The following WRNIP1 variants were observed in gnomAD, a reference collection of about 807,000 sequenced individuals.
WRNIP1 encodes the protein ATPase WRNIP1.
In WRNIP1, 41 loss-of-function variants were observed where a neutral mutation model predicts 56.1. The observed-to-expected ratio is 0.73, with a 90% CI of 0.57 to 0.95. The LOEUF (loss-of-function observed/expected upper bound fraction) is 0.95. Ranked by LOEUF, WRNIP1 falls within the 40% of genes least tolerant of loss-of-function variation. WRNIP1 has a pLI of 0.00. For missense variants in WRNIP1, 1,170 were observed against 939.4 expected, an observed-to-expected ratio of 1.25 and a Z score of -3.21; for synonymous variants, 547 against 398.1, an observed-to-expected ratio of 1.37 and a Z score of -4.45.
In WRNIP1 at chr6:2,765,552, G is replaced by A; in HGVS notation, c.-71G>A. ...TCTCGCGGCGCGGGGCCTAGCGGAG[G>A]GCATCGAAGGCCTCCGCGTGCGCAC... On this transcript the variant is annotated 5_prime_UTR_variant, in exon 1 of 7. Transcript: ENST00000380773. 6 of 1,364,908 alleles carry A rather than the reference G, an allele frequency of 4.4e-6. No individual in the cohort carries two copies. In the South Asian group the frequency reaches 4.9e-5, roughly 11 times the overall value. 84.5% of individuals were successfully genotyped at this position (1,364,908 alleles called of 1,614,324 possible). A position where few individuals can be genotyped will look rare whatever the true frequency, so the allele number is the denominator to read the frequency against.
chr6:2,778,370 C>A (rs1765479814), intron 3 of WRNIP1, among the ~76,000 whole-genome samples: 1 of 152,144 alleles, frequency 6.6e-6, no homozygotes, highest in Non-Finnish European at 1.5e-5. Context: ...AGGAATAAGA[C>A]CCCACTAAGT....
At chr6:2,769,980 A>G in intron 2 of WRNIP1, 140 bp from the exon 3 acceptor site, 1 of 1,221,722 alleles carries the variant, frequency 8.2e-7, no homozygotes. Context: ...ATCTATATTC[A>G]GTGAATATAA....
In WRNIP1 at chr6:2,766,061, G is replaced by T; in HGVS notation, c.439G>T (p.Ala147Ser). The stretch of plus-strand genomic sequence containing the variant: ...GTCGGGGAAGAGGCCGGCGGCCGCC[G>T]CCGCGGCGGGGAGCGCGTCTCCGCG... Reference protein sequence around the residue: ...KGSGKRPAAAAAAGSASPRSW... With the variant: ...KGSGKRPAAASAAGSASPRSW... Residue 147 changes from alanine to serine, a missense_variant, in exon 1 of 7, where the codon GCC (alanine) becomes TCC (serine). Physicochemically the swap from Ala to Ser is moderately conservative, Grantham distance 99 (BLOSUM62 1). Transcript: ENST00000380773. 1 of 1,293,932 alleles carries T rather than the reference G, an allele frequency of 7.7e-7. No homozygotes were observed. The highest frequency in any genetic ancestry group is 9.8e-7 in the Non-Finnish European group (1 of 1,025,340). The allele number at this position is 1,293,932 out of a possible 1,614,324, so 80.2% of individuals were successfully genotyped here. A position where few individuals can be genotyped will look rare whatever the true frequency, so the allele number is the denominator to read the frequency against.
At chr6:2,782,840 T>C (rs1048436098) in intron 4 of WRNIP1, among the ~76,000 whole-genome samples, 3 of 152,190 alleles carry the variant, frequency 2.0e-5, no homozygotes, top group Non-Finnish European at 4.4e-5. Context: ...AGTCCACGTG[T>C]CGGTCCTTCT....
chr6:2,767,045 C>G (rs377604332), intron 1 of WRNIP1, among the ~76,000 whole-genome samples: 2 of 152,160 alleles, frequency 1.3e-5, no homozygotes, highest in South Asian at 2.1e-4. Context: ...ACTTTTTCAT[C>G]TGCAAGTCAT....
At position 2,770,229 on chromosome 6, in the gene WRNIP1, T is replaced by C. The variant is rs144020288; in HGVS notation, c.1124T>C (p.Ile375Thr). ...GCTCTTCTGAGCCGCTGTCGAGTGATTGTTCTTGAGAAGCTTCCAGTAGAG... is the reference window on the plus strand; with the variant it reads ...GCTCTTCTGAGCCGCTGTCGAGTGACTGTTCTTGAGAAGCTTCCAGTAGAG... ...NAALLSRCRV[I>T]VLEKLPVEAM... Residue 375 changes from isoleucine (I) to threonine (T), a missense_variant, in exon 3 of 7, where the codon ATT becomes ACT. Physicochemically the swap from Ile to Thr is moderately conservative, Grantham distance 89. Transcript: ENST00000380773. 16 of 1,614,106 alleles carry C rather than the reference T, an allele frequency of 9.9e-6. No individual in the cohort carries two copies. In the African/African-American group the frequency reaches 2.1e-4, roughly 22 times the overall value.
In WRNIP1 at chr6:2,766,192, C is replaced by A. The variant is rs765510820; in HGVS notation, c.570C>A (p.Asp190Glu). The change falls in exon 1 of 7, where the codon GAC (aspartate) becomes GAA (glutamate). Residue 190 changes from aspartate (D) to glutamate (E), a missense_variant. By Grantham distance (45) the Asp-to-Glu change is conservative. Transcript: ENST00000380773. ...GCGAGGACGACCCGGGGCACTGGGA[C>A]GCGGACGCTGCCGAAGCCGCCACCG... ...ADGEDDPGHW[D>E]ADAAEAATAF... 2 of 1,397,950 alleles carry A rather than the reference C, an allele frequency of 1.4e-6. No individual in the cohort carries two copies. 86.6% of individuals were successfully genotyped at this position (1,397,950 alleles called of 1,614,324 possible). A position where few individuals can be genotyped will look rare whatever the true frequency, so the allele number is the denominator to read the frequency against.
At position 2,783,506 on chromosome 6, in the gene WRNIP1, A is replaced by T; in HGVS notation, c.1587A>T (p.Gly529=). 6.2e-7 allele frequency: 1 copy of T among 1,613,484 alleles called. No homozygotes were observed. The highest frequency in any genetic ancestry group is 8.5e-7 in the Non-Finnish European group (1 of 1,179,866). Reference sequence around the variant, plus strand: ...GGCTGGCTCGCATGCTCGAGGGAGGAGAGGACCCACTCTACGTGGCACGGA... The same window carrying T: ...GGCTGGCTCGCATGCTCGAGGGAGGTGAGGACCCACTCTACGTGGCACGGA... ...LYWLARMLEG[G]EDPLYVARRL... The change falls in exon 5 of 7, where the codon GGA becomes GGT. Residue 529 remains glycine (G), a synonymous_variant. Coordinates refer to ENST00000380773, the MANE Select transcript of WRNIP1 (RefSeq NM_020135.3).
intron 4 of WRNIP1, 68 bp downstream of exon 4, chr6:2,779,560 C>T (rs901674220): frequency 1.4e-5 from 21 of 1,504,610 alleles, no homozygotes; most frequent in South Asian, 3.7e-5. Flanking sequence ...TTCTCATTTC[C>T]GGAAGCCTGA....
chr6:2,768,397 T>G lies in WRNIP1; in HGVS notation c.823-294T>G, dbSNP rs1429203864. ...TCAAGACAGCCGTTCTTTACTGGGA[T>G]TCCAAAGATCTTAAAGAGTCACCCA... On this transcript the variant is annotated intron_variant, in intron 1 of 6. Transcript: ENST00000380773. Among the ~76,000 whole-genome samples, 6 of 152,330 alleles carry G rather than the reference T, an allele frequency of 3.9e-5. No individual in the cohort carries two copies. In the East Asian group the frequency reaches 1.2e-3, roughly 29 times the overall value.
At position 2,766,246 on chromosome 6, in the gene WRNIP1, G is replaced by T; in HGVS notation, c.624G>T (p.Pro208=). 2 of 1,484,356 alleles carry T rather than the reference G, an allele frequency of 1.3e-6. No homozygotes were observed. Among genetic ancestry groups the T allele is most frequent in the Non-Finnish European group, 1.8e-6 (2 of 1,115,216 alleles). 91.9% of individuals were successfully genotyped at this position (1,484,356 alleles called of 1,614,324 possible). ...TCGGGGCCAGTGGCGGGGGCCGCCCGCACCCCCGGGCGCTGGCTGCCGAGG... is the reference window on the plus strand; with the variant it reads ...TCGGGGCCAGTGGCGGGGGCCGCCCTCACCCCCGGGCGCTGGCTGCCGAGG... ...TAFGASGGGR[P]HPRALAAEEI... is the part of the protein sequence containing the mutation. The change falls in exon 1 of 7, where the codon CCG becomes CCT. Residue 208 remains proline (P), a synonymous_variant. Transcript: ENST00000380773.
At position 2,770,241 on chromosome 6, in the gene WRNIP1, A is replaced by G. The variant is rs1189874564; in HGVS notation, c.1136A>G (p.Lys379Arg). ...CGCTGTCGAGTGATTGTTCTTGAGA[A>G]GCTTCCAGTAGAGGCAATGGTGACT... ...LSRCRVIVLE[K>R]LPVEAMVTIL... The change falls in exon 3 of 7, where the codon AAG becomes AGG. Residue 379 changes from lysine (K) to arginine (R), a missense_variant. Physicochemically the swap from Lys to Arg is conservative, Grantham distance 26. Coordinates refer to ENST00000380773, the MANE Select transcript of WRNIP1 (RefSeq NM_020135.3). The G allele has an allele frequency of 1.2e-6, 2 of 1,614,058 alleles. No homozygotes were observed. Among genetic ancestry groups the G allele is most frequent in the Non-Finnish European group, 1.7e-6 (2 of 1,180,030 alleles).
chr6:2,767,696 A>G (rs1043027056), intron 1 of WRNIP1, among the ~76,000 whole-genome samples: 19 of 152,232 alleles, frequency 1.2e-4, no homozygotes, highest in Non-Finnish European at 2.6e-4. Context: ...ATGAGAATGG[A>G]TAATCAGCTG....
rs199556155 is a variant in WRNIP1, at chr6:2,766,351, C to T, written c.729C>T (p.Ser243=). 9.9e-6 allele frequency: 16 copies of T among 1,610,306 alleles called. No homozygotes were observed. Among genetic ancestry groups the T allele is most frequent in the African/African-American group, 4.0e-5 (3 of 74,878 alleles). Residue 243 remains serine, a synonymous_variant, in exon 1 of 7, where the codon AGC becomes AGT. Coordinates refer to ENST00000380773, the MANE Select transcript of WRNIP1 (RefSeq NM_020135.3). ...CGCTGCAGGATTACTTCGGGCAGAG[C>T]AAGGCCGTGGGCCAGGATACCCTGC... ...PDTLQDYFGQ[S]KAVGQDTLLR... is the part of the protein sequence containing the mutation.
intron 3 of WRNIP1, among the ~76,000 whole-genome samples, chr6:2,771,778 C>T (rs947639934): frequency 6.6e-6 from 1 of 152,050 alleles, no homozygotes; most frequent in African/African-American, 2.4e-5. Flanking sequence ...GTAGGTTTCC[C>T]GTAACAGAAT....
rs1284988392 is a variant in WRNIP1 at position 2,779,158 on chromosome 6, G to A, written c.1257-105G>A. 2.5e-6 allele frequency: 3 copies of A among 1,202,078 alleles called. No individual in the cohort carries two copies. The African/African-American group carries it at 4.5e-5, about 18-fold the overall frequency. The allele number at this position is 1,202,078 out of a possible 1,614,324, so 74.5% of individuals were successfully genotyped here. A position where few individuals can be genotyped will look rare whatever the true frequency, so the allele number is the denominator to read the frequency against. On this transcript the variant is annotated intron_variant, in intron 3 of 6. Coordinates refer to ENST00000380773, the MANE Select transcript of WRNIP1 (RefSeq NM_020135.3). Reference sequence around the variant, plus strand: ...GGTGAGAATAAGAGGCAAAGGCCTTGAACTCTTCAGTGTCCTTGCTGAGAA... The same window carrying A: ...GGTGAGAATAAGAGGCAAAGGCCTTAAACTCTTCAGTGTCCTTGCTGAGAA...
intron 5 of WRNIP1, 73 bp downstream of exon 5, chr6:2,783,634 C>CCTT: frequency 2.5e-5 from 1 of 39,328 alleles, no homozygotes; most frequent in Non-Finnish European, 3.7e-5. Context: ...TACATCGTGG[C>CCTT]TTTTTTTTTT....
chr6:2,765,853 C>T lies in WRNIP1; in HGVS notation c.231C>T (p.Ser77=), dbSNP rs937124086. The T allele has an allele frequency of 1.8e-5, 25 of 1,422,868 alleles. No homozygotes were observed. The highest frequency in any genetic ancestry group is 3.1e-5 in the East Asian group (1 of 32,564). The allele number at this position is 1,422,868 out of a possible 1,614,324, so 88.1% of individuals were successfully genotyped here. The change falls in exon 1 of 7, where the codon AGC becomes AGT. Residue 77 remains serine, a synonymous_variant. Transcript: ENST00000380773. ...CCAAGAGGCGGCGGCTGTCGGAGAG[C>T]TCGGCGCTGAAGCAGCCAGCCACCC... is the stretch of plus-strand genomic sequence containing the variant. ...PGAKRRRLSE[S]SALKQPATPT... is the part of the protein sequence containing the mutation.
intron 3 of WRNIP1, chr6:2,774,135 G>A: frequency 1.0e-6 from 1 of 985,332 alleles, no homozygotes; most frequent in South Asian, 4.7e-5. Context: ...TAGAGTAGAT[G>A]TCAATCTTTT....
Sources: allele counts gnomAD v4.1 joint callset (sites outside exome capture counted in the v4.1 genomes callset), GRCh38; gene constraint gnomAD v4.1.1; transcripts MANE v1.5; gene names NCBI Gene and HGNC (gene_info 2026-07-23, HGNC 2026-07-21).